The following PTPRM variants were observed in gnomAD, a reference collection of about 807,000 sequenced individuals.
PTPRM encodes the protein protein tyrosine phosphatase receptor type M.
Under a neutral mutation model 186.7 loss-of-function variants are expected in PTPRM, and 47 were observed. The observed-to-expected ratio is 0.25, with a 90% confidence interval of 0.20 to 0.32. The LOEUF is 0.32. Among genes scored for constraint, PTPRM ranks in the 10% least tolerant of loss-of-function variants. The pLI, the probability that PTPRM is intolerant of heterozygous loss-of-function variation, is 1.00. For synonymous variants in PTPRM, 668 were observed against 674.9 expected (o/e 0.99, Z 0.16); for missense variants, 1,494 against 1,865.0 (o/e 0.80, Z 3.66).
chr18:7,957,938 A>G (rs2053422368), intron 7 of PTPRM, among the ~76,000 whole-genome samples: 1 of 152,234 alleles, frequency 6.6e-6, no homozygotes, highest in African/African-American at 2.4e-5. Flanking sequence ...AGAGACTAGA[A>G]GCATTCTGCA....
chr18:7,845,926 T>C (rs57369000), intron 2 of PTPRM, among the ~76,000 whole-genome samples: 2,012 of 152,230 alleles, frequency 0.013, 43 homozygotes, highest in African/African-American at 0.045. Context: ...TGCCCAATCC[T>C]GTAATACAGG....
intron 19 of PTPRM, 63 bp downstream of exon 19, chr18:8,253,477 G>C (rs1055138244): frequency 1.5e-6 from 2 of 1,319,438 alleles, no homozygotes; most frequent in Non-Finnish European, 2.0e-6. Flanking sequence ...CAGGTACTGT[G>C]CTCCCAACTC....
At chr18:8,048,982 T>C (rs910511427) in intron 7 of PTPRM, among the ~76,000 whole-genome samples, 5 of 152,188 alleles carry the variant, frequency 3.3e-5, no homozygotes, top group African/African-American at 1.2e-4. Context: ...TTTGTGGATA[T>C]CATAGCTTTA....
chr18:7,925,335 T>TGA (rs1430786555), intron 4 of PTPRM, among the ~76,000 whole-genome samples: 2 of 152,224 alleles, frequency 1.3e-5, no homozygotes, highest in Non-Finnish European at 2.9e-5. Flanking sequence ...TTTTGCATGC[T>TGA]GAGCATCATG....
At position 8,233,665 on chromosome 18, in the gene PTPRM, T is replaced by C. The variant is rs563010697; in HGVS notation, c.2301-10393T>C. Among the ~76,000 whole-genome samples the C allele has an allele frequency of 4.6e-5, 7 of 152,160 alleles. No individual in the cohort carries two copies. The East Asian group carries it at 9.6e-4, about 21-fold the overall frequency. On this transcript the variant is annotated intron_variant, in intron 14 of 32. Coordinates refer to ENST00000580170, the MANE Select transcript of PTPRM (RefSeq NM_001105244.2). Reference sequence around the variant, plus strand: ...AATTTTTATTGGAAAGATGTCTATCTTATCATTTTTTTTCATGGATTATCC... The same window carrying C: ...AATTTTTATTGGAAAGATGTCTATCCTATCATTTTTTTTCATGGATTATCC...
chr18:8,141,801 A>G (rs1257608703), intron 13 of PTPRM, among the ~76,000 whole-genome samples: 1 of 152,248 alleles, frequency 6.6e-6, no homozygotes, highest in Non-Finnish European at 1.5e-5. Flanking sequence ...TGGAAGAATA[A>G]AACCAATTTG....
intron 23 of PTPRM, among the ~76,000 whole-genome samples, chr18:8,370,032 A>T (rs987918253): frequency 2.0e-5 from 3 of 152,128 alleles, no homozygotes; most frequent in Non-Finnish European, 4.4e-5. Context: ...CAGAATAGAA[A>T]TTCATCCATG....
At chr18:8,081,884 G>A (rs1252210507) in intron 9 of PTPRM, among the ~76,000 whole-genome samples, 1 of 152,122 alleles carries the variant, frequency 6.6e-6, no homozygotes, top group Non-Finnish European at 1.5e-5. Flanking sequence ...TTTAGAAGTA[G>A]GAAAGAGAAG....
chr18:7,642,388 A>G (rs2038464132), intron 1 of PTPRM, among the ~76,000 whole-genome samples: 1 of 152,162 alleles, frequency 6.6e-6, no homozygotes, highest in African/African-American at 2.4e-5. Flanking sequence ...TGTCGTTACA[A>G]TTTCCTACAC....
At chr18:8,248,485 A>G in intron 17 of PTPRM, 1 of 454,302 alleles carries the variant, frequency 2.2e-6, no homozygotes, top group Non-Finnish European at 4.1e-6. Flanking sequence ...CCCAGGGGAA[A>G]AAAACAAGGT....
In PTPRM at chr18:8,299,595, AC is replaced by A. The variant is rs371013384; in HGVS notation, c.2842+3141del. 2.3e-3 allele frequency among the ~76,000 whole-genome samples: 336 copies of A among 144,736 alleles called. 10 individuals are homozygous for A. The South Asian group carries it at 0.056, about 24-fold the overall frequency. The allele number at this position is 144,736 out of a possible 152,430, so 95.0% of individuals were successfully genotyped here. A position where few individuals can be genotyped will look rare whatever the true frequency, so the allele number is the denominator to read the frequency against. On this transcript the variant is annotated intron_variant, in intron 20 of 32. Transcript: ENST00000580170. ...GCAAGACTCCAGAGGTCTCAAAAAA[AC>A]AAAAAAAAAGGAAGATAATAAAACA...
intron 14 of PTPRM, among the ~76,000 whole-genome samples, chr18:8,153,089 G>C (rs907882516): frequency 6.6e-6 from 1 of 152,118 alleles, no homozygotes; most frequent in African/African-American, 2.4e-5. Context: ...CCAGTAGTTT[G>C]TACTTTTTAA....
intron 17 of PTPRM, chr18:8,251,738 G>A (rs2094529903): frequency 3.3e-5 from 5 of 152,206 alleles, no homozygotes; most frequent in Admixed American, 3.3e-4. Flanking sequence ...TCCCAAACCA[G>A]GCCCTGCTCA....
chr18:7,613,824 AT>A (rs1054489052), intron 1 of PTPRM, among the ~76,000 whole-genome samples: 1 of 152,198 alleles, frequency 6.6e-6, no homozygotes, highest in African/African-American at 2.4e-5. Context: ...GTCCCTTCCA[AT>A]TGGTTTAATT....
At chr18:7,598,840 G>A (rs928718561) in intron 1 of PTPRM, among the ~76,000 whole-genome samples, 4 of 149,986 alleles carry the variant, frequency 2.7e-5, no homozygotes, top group Admixed American at 6.7e-5. Context: ...GTCCCTTGGC[G>A]CGGTAGCCAA....
intron 4 of PTPRM, among the ~76,000 whole-genome samples, chr18:7,916,530 C>G (rs1307670810): frequency 6.6e-6 from 1 of 152,146 alleles, no homozygotes; most frequent in Non-Finnish European, 1.5e-5. Context: ...ATGGTGAGGA[C>G]CCTCTTCTGG....
intron 1 of PTPRM, among the ~76,000 whole-genome samples, chr18:7,729,061 C>T (rs1448220990): frequency 1.3e-5 from 2 of 151,910 alleles, no homozygotes; most frequent in South Asian, 2.1e-4. Flanking sequence ...CAGTTGTGCA[C>T]CACCACACTG....
chr18:7,812,019 T>C (rs945305157), intron 2 of PTPRM, among the ~76,000 whole-genome samples: 2 of 152,234 alleles, frequency 1.3e-5, no homozygotes, highest in African/African-American at 4.8e-5. Flanking sequence ...ATAATAGTTA[T>C]GTCCATCAAG....
chr18:8,398,873 T>C (rs1273390888), intron 32 of PTPRM, among the ~76,000 whole-genome samples: 2 of 151,224 alleles, frequency 1.3e-5, no homozygotes, highest in South Asian at 2.1e-4. Flanking sequence ...AGACAGAAAG[T>C]AGAGTAGTGG....
Sources: allele counts gnomAD v4.1 joint callset (sites outside exome capture counted in the v4.1 genomes callset), GRCh38; gene constraint gnomAD v4.1.1; transcripts MANE v1.5; gene names NCBI Gene and HGNC (gene_info 2026-07-23, HGNC 2026-07-21).